Variants in LYPLAL1 observed in about 807,000 individuals in gnomAD.
LYPLAL1 encodes the protein lysophospholipase-like protein 1.
Under a neutral mutation model 19.7 loss-of-function variants are expected in LYPLAL1, and 23 were observed. The ratio of observed to expected loss-of-function variants is 1.17; its 90% CI spans 0.84 to 1.65. LYPLAL1 has a LOEUF of 1.65. LYPLAL1 is among the 40% of genes most tolerant of loss of function. The pLI is 0.00. For synonymous variants in LYPLAL1, 119 were observed against 96.3 expected (o/e 1.24, Z -1.38); for missense variants, 355 against 279.4 (o/e 1.27, Z -1.93).
chr1:219,267,536 A>C, the LYPLAL1 span, among the ~76,000 whole-genome samples: 1 of 152,182 alleles, frequency 6.6e-6, no homozygotes, highest in Non-Finnish European at 1.5e-5. Context: ...CGTCTGGGAA[A>C]ACTAGGTCAT....
chr1:219,185,807 A>T (rs926892376), intron 2 of LYPLAL1, among the ~76,000 whole-genome samples: 5 of 151,960 alleles, frequency 3.3e-5, no homozygotes, highest in African/African-American at 9.7e-5. Flanking sequence ...ACCATGTAGT[A>T]TCTTGGCAGC....
chr1:219,366,644 C>T, the LYPLAL1 span, among the ~76,000 whole-genome samples: 1 of 152,264 alleles, frequency 6.6e-6, no homozygotes, highest in Admixed American at 6.5e-5. Context: ...ACGTACACAT[C>T]ATTTCTGCTC....
At chr1:219,333,673 A>G in the LYPLAL1 span, among the ~76,000 whole-genome samples, 1 of 152,114 alleles carries the variant, frequency 6.6e-6, no homozygotes, top group South Asian at 2.1e-4. Flanking sequence ...AATTACAGAA[A>G]GAACAAGTTT....
the LYPLAL1 span, among the ~76,000 whole-genome samples, chr1:219,362,716 T>C: frequency 6.6e-6 from 1 of 152,090 alleles, no homozygotes; most frequent in Non-Finnish European, 1.5e-5. Context: ...AGTGATATAG[T>C]GTAAGACGTT....
At chr1:219,405,102 G>C in the LYPLAL1 span, among the ~76,000 whole-genome samples, 72 of 152,176 alleles carry the variant, frequency 4.7e-4, 2 homozygotes, top group Admixed American at 2.0e-4. Flanking sequence ...AGATACCTGT[G>C]GGGGAGGAAA....
the LYPLAL1 span, among the ~76,000 whole-genome samples, chr1:219,313,507 G>C: frequency 1.4e-5 from 2 of 142,446 alleles, no homozygotes; most frequent in Non-Finnish European, 1.5e-5. Flanking sequence ...TACGTTTTCA[G>C]AGAGTTTTCT....
At chr1:219,433,018 G>A in the LYPLAL1 span, among the ~76,000 whole-genome samples, 299 of 152,308 alleles carry the variant, frequency 2.0e-3, 1 homozygote, top group South Asian at 8.1e-3. Flanking sequence ...TCTCATCTGC[G>A]TGTGCCTCAC....
chr1:219,404,334 T>A, the LYPLAL1 span, among the ~76,000 whole-genome samples: 1 of 152,164 alleles, frequency 6.6e-6, no homozygotes, highest in Non-Finnish European at 1.5e-5. Context: ...GTTATGTAAT[T>A]AAAATCCAAA....
chr1:219,249,788 A>G, the LYPLAL1 span, among the ~76,000 whole-genome samples: 1 of 152,012 alleles, frequency 6.6e-6, no homozygotes, highest in Non-Finnish European at 1.5e-5. Context: ...GCTGATAACT[A>G]GTGAAACTGA....
At chr1:219,428,240 C>T in the LYPLAL1 span, among the ~76,000 whole-genome samples, 68 of 152,300 alleles carry the variant, frequency 4.5e-4, no homozygotes, top group African/African-American at 1.6e-3. Flanking sequence ...CATCAAAATG[C>T]CATTTGCATA....
chr1:219,377,137 G>T, the LYPLAL1 span, among the ~76,000 whole-genome samples: 51 of 152,230 alleles, frequency 3.4e-4, no homozygotes, highest in South Asian at 9.5e-3. Context: ...AATATAATAT[G>T]ATATTATTCA....
the LYPLAL1 span, chr1:219,272,235 C>G: frequency 6.6e-6 from 1 of 152,238 alleles, no homozygotes; most frequent in Non-Finnish European, 1.5e-5. Context: ...GAATGCAACC[C>G]CCTAAACCAA....
the LYPLAL1 span, among the ~76,000 whole-genome samples, chr1:219,402,642 C>G: frequency 1.0e-5 from 1 of 97,206 alleles, no homozygotes; most frequent in African/African-American, 3.7e-5. Context: ...CTACCAGAAA[C>G]CAAAAAAAAA....
the LYPLAL1 span, among the ~76,000 whole-genome samples, chr1:219,347,364 A>G: frequency 1.3e-5 from 2 of 152,212 alleles, no homozygotes; most frequent in South Asian, 4.2e-4. Context: ...AATACCCCCA[A>G]ATTCTTTCAT....
chr1:219,441,698 T>C, the LYPLAL1 span, among the ~76,000 whole-genome samples: 3 of 152,176 alleles, frequency 2.0e-5, no homozygotes, highest in South Asian at 4.1e-4. Flanking sequence ...CTAACCATCA[T>C]TGGAGTCATC....
the LYPLAL1 span, among the ~76,000 whole-genome samples, chr1:219,364,118 G>A: frequency 6.6e-6 from 1 of 152,090 alleles, no homozygotes; most frequent in East Asian, 1.9e-4. Flanking sequence ...ACCCTGAGGG[G>A]ATCTAGCCAA....
the LYPLAL1 span, among the ~76,000 whole-genome samples, chr1:219,373,863 C>CAAAAAAAAAAAATAA: frequency 9.8e-6 from 1 of 102,216 alleles, no homozygotes; most frequent in Non-Finnish European, 2.0e-5. Context: ...ATAAAATTGT[C>CAAAAAAAAAAAATAA]AAAAAAAAAA....
the LYPLAL1 span, among the ~76,000 whole-genome samples, chr1:219,253,971 G>A: frequency 6.6e-6 from 1 of 152,152 alleles, no homozygotes; most frequent in East Asian, 1.9e-4. Context: ...TATGTTGGGT[G>A]CATATATAAA....
chr1:219,304,100 T>TCC, the LYPLAL1 span, among the ~76,000 whole-genome samples: 1 of 152,148 alleles, frequency 6.6e-6, no homozygotes, highest in Non-Finnish European at 1.5e-5. Flanking sequence ...GTAAATTACC[T>TCC]TCTCTCTCTC....
Sources: allele counts gnomAD v4.1 joint callset (sites outside exome capture counted in the v4.1 genomes callset), GRCh38; gene constraint gnomAD v4.1.1; transcripts MANE v1.5; gene names NCBI Gene and HGNC (gene_info 2026-07-23, HGNC 2026-07-21).